Variants in MAPKAP1 observed in about 807,000 individuals in gnomAD.
MAPKAP1 encodes the protein MAPK associated protein 1.
MAPKAP1 carries 20 observed loss-of-function variants against 65.7 expected under a neutral mutation model. The observed-to-expected ratio is 0.30, with a 90% CI of 0.21 to 0.44. The LOEUF (loss-of-function observed/expected upper bound fraction) is 0.44. Ranked by LOEUF, MAPKAP1 falls within the 20% of genes least tolerant of loss-of-function variation. The pLI is 1.00. For missense variants in MAPKAP1, 423 were observed against 648.0 expected (o/e 0.65, Z 3.77); for synonymous variants, 222 against 244.3 (o/e 0.91, Z 0.85).
intron 4 of MAPKAP1, among the ~76,000 whole-genome samples, chr9:125,620,497 C>A (rs1832865558): frequency 6.6e-6 from 1 of 152,182 alleles, no homozygotes; most frequent in Non-Finnish European, 1.5e-5. Context: ...CCCAGCAATT[C>A]TGCTTGAAAT....
intron 4 of MAPKAP1, among the ~76,000 whole-genome samples, chr9:125,651,063 C>T (rs1228743364): frequency 3.2e-4 from 49 of 152,158 alleles, no homozygotes; most frequent in Admixed American, 3.2e-3. Flanking sequence ...ACCTCCTGGG[C>T]TCAAGTGATC....
Position 125,546,632 on chromosome 9 carries a change from C to T in MAPKAP1, c.849-3464G>A, listed in dbSNP as rs114561163. On this transcript the variant is annotated intron_variant, in intron 6 of 11. Transcript: ENST00000265960. Reference sequence around the variant, plus strand: ...TTTTATGGGCTTTCTAAAAAGTCTACTGAAATACATCTTTTAAAGCCTTTA... The same window carrying T: ...TTTTATGGGCTTTCTAAAAAGTCTATTGAAATACATCTTTTAAAGCCTTTA... 4.9e-3 allele frequency among the ~76,000 whole-genome samples: 747 copies of T among 152,222 alleles called. 4 individuals are homozygous for T. The highest frequency in any genetic ancestry group is 0.017 in the African/African-American group (706 of 41,528).
chr9:125,544,297 C>T (rs557374142), intron 6 of MAPKAP1, among the ~76,000 whole-genome samples: 150 of 152,108 alleles, frequency 9.9e-4, no homozygotes, highest in African/African-American at 3.3e-3. Flanking sequence ...CATAAGCCAC[C>T]GCACCTGGCT....
At chr9:125,450,136 GTCTCT>G (rs1332639146) in intron 10 of MAPKAP1, among the ~76,000 whole-genome samples, 1 of 152,034 alleles carries the variant, frequency 6.6e-6, no homozygotes, top group African/African-American at 2.4e-5. Context: ...TCAAGGGAGG[GTCTCT>G]TCTAACACAA....
At chr9:125,449,477 G>A (rs539995528) in intron 10 of MAPKAP1, among the ~76,000 whole-genome samples, 2 of 152,050 alleles carry the variant, frequency 1.3e-5, no homozygotes, top group Non-Finnish European at 1.5e-5. Context: ...AATATAAGAG[G>A]GTATAAATGT....
At chr9:125,481,883 C>T (rs950971158) in intron 9 of MAPKAP1, among the ~76,000 whole-genome samples, 2 of 151,748 alleles carry the variant, frequency 1.3e-5, no homozygotes, top group Non-Finnish European at 2.9e-5. Context: ...GTAATCCCAG[C>T]ACTTTGGGAG....
chr9:125,572,721 TTA>T (rs1255035286), intron 5 of MAPKAP1, among the ~76,000 whole-genome samples: 8 of 152,224 alleles, frequency 5.3e-5, no homozygotes, highest in Non-Finnish European at 8.8e-5. Context: ...CCATATCGGC[TTA>T]GTTCCAACAG....
rs538567952 is a variant in MAPKAP1 at position 125,499,829 on chromosome 9, A to T, written c.1066+6481T>A. 8.9e-4 allele frequency among the ~76,000 whole-genome samples: 135 copies of T among 151,622 alleles called. 2 individuals are homozygous for T. Among genetic ancestry groups the T allele is most frequent in the Middle Eastern group, 6.9e-3 (2 of 290 alleles). The stretch of plus-strand genomic sequence containing the variant: ...ACACCATCTCTACAAAAAGAAAATT[A>T]AAAAAAAACTAGCCAGGTGTGGTAG... On this transcript the variant is annotated intron_variant, in intron 8 of 11. Transcript: ENST00000265960.
At chr9:125,464,098 G>A (rs1020261874) in intron 10 of MAPKAP1, among the ~76,000 whole-genome samples, 18 of 150,982 alleles carry the variant, frequency 1.2e-4, no homozygotes, top group African/African-American at 3.9e-4. Flanking sequence ...ACATGGTGGC[G>A]CATGCCTGTA....
intron 8 of MAPKAP1, among the ~76,000 whole-genome samples, chr9:125,495,620 C>T (rs1313652944): frequency 6.6e-6 from 1 of 152,180 alleles, no homozygotes; most frequent in Non-Finnish European, 1.5e-5. Flanking sequence ...TAATTACTAC[C>T]TAATGATAAA....
At chr9:125,515,752 A>T (rs960940558) in intron 7 of MAPKAP1, among the ~76,000 whole-genome samples, 12 of 152,230 alleles carry the variant, frequency 7.9e-5, no homozygotes, top group Admixed American at 1.3e-4. Flanking sequence ...TGAAGAACAG[A>T]CTGGTCAAGG....
chr9:125,609,066 T>C (rs979513306), intron 4 of MAPKAP1, among the ~76,000 whole-genome samples: 1 of 152,230 alleles, frequency 6.6e-6, no homozygotes, highest in Non-Finnish European at 1.5e-5. Flanking sequence ...TAAATGCTTA[T>C]ACTACCTGAA....
chr9:125,532,673 G>A (rs1294044960), intron 7 of MAPKAP1, among the ~76,000 whole-genome samples: 1 of 152,212 alleles, frequency 6.6e-6, no homozygotes, highest in Admixed American at 6.5e-5. Context: ...GAATGATGCA[G>A]GGTCCACATT....
chr9:125,515,771 G>A (rs969921662), intron 7 of MAPKAP1, among the ~76,000 whole-genome samples: 4 of 152,172 alleles, frequency 2.6e-5, no homozygotes, highest in Admixed American at 6.5e-5. Context: ...GGGGCCAGTC[G>A]GTGCAATAAA....
At chr9:125,443,674 CCTAGCCCCG>C (rs1852582083) in intron 11 of MAPKAP1, among the ~76,000 whole-genome samples, 1 of 151,224 alleles carries the variant, frequency 6.6e-6, no homozygotes, top group Non-Finnish European at 1.5e-5. Context: ...CCCTGCACGG[CCTAGCCCCG>C]CCAGCCCCGC....
chr9:125,464,204 T>TTAAAA (rs1554805633), intron 10 of MAPKAP1, among the ~76,000 whole-genome samples: 5,135 of 83,210 alleles, frequency 0.062, 759 homozygotes, highest in Non-Finnish European at 0.095. Flanking sequence ...TCTCATATAT[T>TTAAAA]AAAAAAAAAA....
intron 10 of MAPKAP1, among the ~76,000 whole-genome samples, chr9:125,455,525 AT>A (rs1853131078): frequency 6.6e-6 from 1 of 152,242 alleles, no homozygotes; most frequent in Non-Finnish European, 1.5e-5. Flanking sequence ...CACATTTTTT[AT>A]TGACAAAATT....
intron 10 of MAPKAP1, among the ~76,000 whole-genome samples, chr9:125,465,104 C>A (rs572413378): frequency 6.6e-6 from 1 of 152,160 alleles, no homozygotes; most frequent in Non-Finnish European, 1.5e-5. Context: ...TCACACGTTC[C>A]GGTCTTCGGC....
At chr9:125,705,635 C>A (rs1835734835) in intron 1 of MAPKAP1, among the ~76,000 whole-genome samples, 1 of 152,124 alleles carries the variant, frequency 6.6e-6, no homozygotes, top group South Asian at 2.1e-4. Flanking sequence ...TATCCATATT[C>A]AGTAAACATT....
Sources: gnomAD v4.1 joint callset for allele counts (sites outside exome capture counted in the v4.1 genomes callset) on GRCh38, gnomAD v4.1.1 for gene constraint, MANE v1.5 for transcripts, NCBI Gene and HGNC (gene_info 2026-07-23, HGNC 2026-07-21) for gene names.